Variants in CYP2E1 observed in about 807,000 individuals in gnomAD.
CYP2E1 encodes cytochrome P450 family 2 subfamily E member 1.
A neutral mutation model predicts 42.9 loss-of-function variants in CYP2E1; 31 were observed. The observed-to-expected ratio is 0.72, with a 90% CI of 0.54 to 0.98. The LOEUF (loss-of-function observed/expected upper bound fraction) is 0.98. CYP2E1 is among the 50% of genes least tolerant of loss of function. The pLI, the probability that CYP2E1 is intolerant of heterozygous loss-of-function variation, is 0.00. For synonymous variants in CYP2E1, 244 were observed against 248.9 expected (o/e 0.98, Z 0.19); for missense variants, 565 against 633.2 (o/e 0.89, Z 1.16).
chr10:133,533,063 G>A (rs1013276894), intron 5 of CYP2E1, among the ~76,000 whole-genome samples, 195 bp downstream of exon 5: 1 of 152,222 alleles, frequency 6.6e-6, no homozygotes, highest in Non-Finnish European at 1.5e-5. Context: ...AGCTGGCCTG[G>A]GGCTTTGGGG....
Position 133,537,901 on chromosome 10 carries a change from G to T in CYP2E1, c.1297+9G>T, listed in dbSNP as rs764034174. 6.2e-7 allele frequency: 1 copy of T among 1,612,430 alleles called. No individual in the cohort carries two copies. The highest frequency in any genetic ancestry group is 1.7e-5 in the Admixed American group (1 of 59,898). ...CAAGCCATTTTCCACAGGTGAGAAA[G>T]ATCAGAGGCAGTACCTTCCCTTGAG... On this transcript the variant is annotated intron_variant, in intron 8 of 8. Coordinates refer to ENST00000252945, the MANE Select transcript of CYP2E1 (RefSeq NM_000773.4).
chr10:133,537,361 A>AGTGACCC, intron 7 of CYP2E1, 111 bp downstream of exon 7: 1 of 1,119,790 alleles, frequency 8.9e-7, no homozygotes, highest in Non-Finnish European at 1.3e-6. Flanking sequence ...GGCAGGGGTC[A>AGTGACCC]CTGAGGGGAA....
In CYP2E1 at chr10:133,528,618, G is replaced by T. The variant is rs767255883; in HGVS notation, c.315G>T (p.Ala105=). ...DEFSGRGDLP[A]FHAHRDRGII... is the part of the protein sequence containing the mutation. Reference sequence around the variant, plus strand: ...TCTCGGGCAGAGGCGACCTCCCCGCGTTCCATGCGCACAGGGACAGGGGTG... The same window carrying T: ...TCTCGGGCAGAGGCGACCTCCCCGCTTTCCATGCGCACAGGGACAGGGGTG... Residue 105 remains alanine (A), a synonymous_variant, in exon 2 of 9, where the codon GCG becomes GCT. Coordinates refer to ENST00000252945, the MANE Select transcript of CYP2E1 (RefSeq NM_000773.4). The T allele has an allele frequency of 1.9e-6, 3 of 1,613,216 alleles. No individual in the cohort carries two copies. The highest frequency in any genetic ancestry group is 1.3e-5 in the African/African-American group (1 of 74,930).
In CYP2E1 at chr10:133,537,551, G is replaced by A. The variant is rs1035132381; in HGVS notation, c.1156-200G>A. On this transcript the variant is annotated intron_variant, in intron 7 of 8. Transcript: ENST00000252945. ...ACCAGCCCTGGGGTTAATCCTGTGA[G>A]AAGATTAGGGCTTTCATCTTCATTT... 2.5e-5 allele frequency: 15 copies of A among 605,142 alleles called. 1 individual carries two copies. Among genetic ancestry groups the A allele is most frequent in the Admixed American group, 1.9e-4 (6 of 32,260 alleles). 37.5% of individuals were successfully genotyped at this position (605,142 alleles called of 1,614,324 possible).
chr10:133,528,937 G>A (rs1252981822), intron 2 of CYP2E1, among the ~76,000 whole-genome samples: 1 of 152,156 alleles, frequency 6.6e-6, no homozygotes, highest in Non-Finnish European at 1.5e-5. Context: ...TCCGCCTCTG[G>A]GCCCGCAGGC....
chr10:133,537,277 G>T lies in CYP2E1; in HGVS notation c.1155+27G>T, dbSNP rs779798783. ...TTAAGCAATGAGCCTGCAGCACACA[G>T]CATGAACACCATCCTATCAGCTAAT... On this transcript the variant is annotated intron_variant, in intron 7 of 8. Transcript: ENST00000252945. 49 of 1,603,962 alleles carry T rather than the reference G, an allele frequency of 3.1e-5. 1 individual carries two copies. The highest frequency in any genetic ancestry group is 1.7e-4 in the Middle Eastern group (1 of 6,036).
intron 1 of CYP2E1, 38 bp from the exon 2 acceptor site, chr10:133,528,443 G>A: frequency 6.2e-7 from 1 of 1,606,634 alleles, no homozygotes; most frequent in Admixed American, 1.7e-5. Context: ...CCTCCTCGCC[G>A]CGCGGCGGGC....
intron 3 of CYP2E1, 122 bp from the exon 4 acceptor site, chr10:133,532,002 C>A: frequency 1.1e-6 from 1 of 939,878 alleles, no homozygotes; most frequent in Non-Finnish European, 1.6e-6. Flanking sequence ...CACTATCTTT[C>A]GTAAACTGGC....
chr10:133,537,974 T>C, intron 8 of CYP2E1, 82 bp downstream of exon 8: 1 of 1,432,408 alleles, frequency 7.0e-7, no homozygotes, highest in Middle Eastern at 1.8e-4. Context: ...TCTGCCCTCG[T>C]CCCAGGCACC....
chr10:133,533,830 G>A lies in CYP2E1; in HGVS notation c.900G>A (p.Gly300=), dbSNP rs34767794. ...TVTVADLFFA[G]TETTSTTLRY... ...CTGTGGCCGACCTGTTCTTTGCGGGGACAGAGACCACCAGCACAACTCTGA... is the reference window on the plus strand; with the variant it reads ...CTGTGGCCGACCTGTTCTTTGCGGGAACAGAGACCACCAGCACAACTCTGA... Residue 300 remains glycine (G), a synonymous_variant, in exon 6 of 9, where the codon GGG becomes GGA. Coordinates refer to ENST00000252945, the MANE Select transcript of CYP2E1 (RefSeq NM_000773.4). The A allele has an allele frequency of 1.2e-6, 2 of 1,614,174 alleles. No individual in the cohort carries two copies. Among genetic ancestry groups the A allele is most frequent in the Non-Finnish European group, 1.7e-6 (2 of 1,180,016 alleles).
chr10:133,537,082 T>C lies in CYP2E1; in HGVS notation c.987T>C (p.Ile329=). 1 of 1,613,662 alleles carries C rather than the reference T, an allele frequency of 6.2e-7. No homozygotes were observed. The highest frequency in any genetic ancestry group is 8.5e-7 in the Non-Finnish European group (1 of 1,179,782). ...PEIEEKLHEE[I]DRVIGPSRIP... ...TGGCAGAGAAGCTCCATGAAGAAAT[T>C]GACAGGGTGATTGGGCCAAGCCGAA... Residue 329 remains isoleucine, a synonymous_variant, in exon 7 of 9, where the codon ATT becomes ATC. Coordinates refer to ENST00000252945, the MANE Select transcript of CYP2E1 (RefSeq NM_000773.4).
chr10:133,536,782 T>G (rs1043824898), intron 6 of CYP2E1, among the ~76,000 whole-genome samples: 1 of 44,846 alleles, frequency 2.2e-5, no homozygotes, highest in African/African-American at 7.2e-5. Flanking sequence ...GATGGGTGGG[T>G]GGGTGGATGG....
chr10:133,534,657 C>T (rs749070076), intron 6 of CYP2E1, among the ~76,000 whole-genome samples: 5 of 152,168 alleles, frequency 3.3e-5, no homozygotes, highest in African/African-American at 1.2e-4. Context: ...AGCCTCTGCC[C>T]GAGGCAGTTC....
intron 4 of CYP2E1, 136 bp downstream of exon 4, chr10:133,532,420 A>C (rs980425140): frequency 3.9e-5 from 35 of 893,540 alleles, no homozygotes; most frequent in Non-Finnish European, 5.4e-5. Context: ...TTGATTAGAC[A>C]GCCCAAATAT....
intron 6 of CYP2E1, among the ~76,000 whole-genome samples, chr10:133,536,531 G>A (rs1213465407): frequency 2.9e-5 from 1 of 34,688 alleles, no homozygotes; most frequent in Non-Finnish European, 2.0e-4. Context: ...ATGGTTGGAT[G>A]TATAGATGGG....
chr10:133,537,338 G>T, intron 7 of CYP2E1, 88 bp downstream of exon 7: 1 of 1,388,768 alleles, frequency 7.2e-7, no homozygotes, highest in Non-Finnish European at 9.9e-7. Flanking sequence ...GGGGCCCCAA[G>T]ACCCTTCCCT....
At chr10:133,534,521 C>T (rs559981500) in intron 6 of CYP2E1, among the ~76,000 whole-genome samples, 40 of 152,132 alleles carry the variant, frequency 2.6e-4, no homozygotes, top group Non-Finnish European at 4.1e-4. Flanking sequence ...TGAGGGCACC[C>T]GCATGCAAAC....
In CYP2E1 at chr10:133,537,797, A is replaced by G; in HGVS notation, c.1202A>G (p.Gln401Arg). The G allele has an allele frequency of 6.2e-7, 1 of 1,613,936 alleles. No individual in the cohort carries two copies. Among genetic ancestry groups the G allele is most frequent in the Admixed American group, 1.7e-5 (1 of 60,022 alleles). Reference sequence around the variant, plus strand: ...CTGGACTCTGTTTTGTATGACAACCAAGAATTTCCTGATCCAGAAAAGTTT... The same window carrying G: ...CTGGACTCTGTTTTGTATGACAACCGAGAATTTCCTGATCCAGAAAAGTTT... ...PTLDSVLYDN[Q>R]EFPDPEKFKP... The change falls in exon 8 of 9, where the codon CAA becomes CGA. Residue 401 changes from glutamine to arginine, a missense_variant. Physicochemically the swap from Gln to Arg is conservative, Grantham distance 43 (BLOSUM62 1). Coordinates refer to ENST00000252945, the MANE Select transcript of CYP2E1 (RefSeq NM_000773.4).
rs571506712 is a variant in CYP2E1 at position 133,534,737 on chromosome 10, C to T, written c.967+840C>T. On this transcript the variant is annotated intron_variant, in intron 6 of 8. Transcript: ENST00000252945. ...AATGGTCACTTGTGGTCTTAAGGCT[C>T]GTCAGTTCCTGAAAGCAGGTATTAT... 2.6e-5 allele frequency among the ~76,000 whole-genome samples: 4 copies of T among 152,250 alleles called. No individual in the cohort carries two copies. The East Asian group carries it at 7.7e-4, about 29-fold the overall frequency.
Sources: allele counts gnomAD v4.1 joint callset (sites outside exome capture counted in the v4.1 genomes callset), GRCh38; gene constraint gnomAD v4.1.1; transcripts MANE v1.5; gene names NCBI Gene and HGNC (gene_info 2026-07-23, HGNC 2026-07-21).